PAWR: variants seen among roughly 807,000 people sequenced by gnomAD.
PAWR encodes the protein pro-apoptotic WT1 regulator.
A neutral mutation model predicts 32.0 loss-of-function variants in PAWR; 23 were observed. That is an observed-to-expected ratio of 0.72 (90% CI 0.52 to 1.02). The LOEUF is 1.02. Among genes scored for constraint, PAWR ranks in the 50% least tolerant of loss-of-function variants. The probability of loss-of-function intolerance (pLI) is 0.00; values close to 1 mark genes in which losing one functional copy is unlikely to be tolerated. For missense variants in PAWR, 457 were observed against 437.7 expected (o/e 1.04, Z -0.39); for synonymous variants, 226 against 187.1 (o/e 1.21, Z -1.70).
At chr12:79,603,270 A>T (rs1874031872) in intron 4 of PAWR, among the ~76,000 whole-genome samples, 2 of 151,964 alleles carry the variant, frequency 1.3e-5, no homozygotes, top group East Asian at 3.9e-4. Context: ...AAACAAAAAA[A>T]ATTGAGTAAT....
chr12:79,657,924 G>A (rs956835757), intron 2 of PAWR, among the ~76,000 whole-genome samples: 2 of 152,114 alleles, frequency 1.3e-5, no homozygotes, highest in African/African-American at 2.4e-5. Context: ...GGAGTATGGC[G>A]TCATTGAAGC....
chr12:79,674,738 G>A (rs1235768486), intron 2 of PAWR, among the ~76,000 whole-genome samples: 1 of 151,880 alleles, frequency 6.6e-6, no homozygotes, highest in Non-Finnish European at 1.5e-5. Flanking sequence ...GCATTAAAAA[G>A]CGGGCAAAGG....
intron 2 of PAWR, among the ~76,000 whole-genome samples, chr12:79,656,973 T>C (rs1877120780): frequency 6.6e-6 from 1 of 152,048 alleles, no homozygotes. Context: ...GTCAGAGTTC[T>C]GAAGAGGAAA....
Position 79,689,986 on chromosome 12 carries a change from C to G in PAWR, c.259G>C (p.Gly87Arg). The G allele has an allele frequency of 2.3e-6, 3 of 1,320,190 alleles. No individual in the cohort carries two copies. The highest frequency in any genetic ancestry group is 1.5e-5 in the African/African-American group (1 of 64,550). 81.8% of individuals were successfully genotyped at this position (1,320,190 alleles called of 1,614,324 possible). Reference protein sequence around the residue: ...APAAPAVPGPGGVNCAVGSAM... With the variant: ...APAAPAVPGPRGVNCAVGSAM... ...GAGCCGACCGCGCAGTTCACGCCCC[C>G]GGGACCGGGGACGGCAGGTGCGGCC... The change falls in exon 2 of 7, where the codon GGG (glycine) becomes CGG (arginine). Residue 87 changes from glycine to arginine, a missense_variant. Physicochemically the swap from Gly to Arg is moderately radical, Grantham distance 125. Transcript: ENST00000328827.
chr12:79,650,894 C>T (rs1376012679), intron 2 of PAWR, among the ~76,000 whole-genome samples: 2 of 152,140 alleles, frequency 1.3e-5, no homozygotes, highest in Admixed American at 6.5e-5. Context: ...CTTTATACTG[C>T]GTGCTTTCAT....
chr12:79,646,118 C>A (rs1441996191), intron 2 of PAWR, among the ~76,000 whole-genome samples: 1 of 151,984 alleles, frequency 6.6e-6, no homozygotes, highest in Non-Finnish European at 1.5e-5. Context: ...GATTGAGCAT[C>A]CCTAATCCAA....
chr12:79,621,813 C>T (rs7306065), intron 2 of PAWR, among the ~76,000 whole-genome samples: 34,887 of 152,004 alleles, frequency 0.23, 10,805 homozygotes, highest in African/African-American at 0.71. Context: ...CAAGAGAAGG[C>T]TGCTAAAAAA....
chr12:79,620,905 A>G (rs1423413827), intron 3 of PAWR, among the ~76,000 whole-genome samples, 171 bp downstream of exon 3: 1 of 152,226 alleles, frequency 6.6e-6, no homozygotes, highest in African/African-American at 2.4e-5. Flanking sequence ...GAGAGTGTTC[A>G]TGCTTACGGT....
At position 79,591,122 on chromosome 12, in the gene PAWR, A is replaced by T. The variant is rs1318055965; in HGVS notation, c.*1485T>A. ...CTAAACCTACATAGGAGCTACAGCCAGGGAGTTCTTTCTAAGTTCCTCAAG... is the reference window on the plus strand; with the variant it reads ...CTAAACCTACATAGGAGCTACAGCCTGGGAGTTCTTTCTAAGTTCCTCAAG... On this transcript the variant is annotated 3_prime_UTR_variant, in exon 7 of 7. Coordinates refer to ENST00000328827, the MANE Select transcript of PAWR (RefSeq NM_002583.4). 5 of 152,224 alleles carry T rather than the reference A, an allele frequency of 3.3e-5. No individual in the cohort carries two copies. The highest frequency in any genetic ancestry group is 6.5e-5 in the Admixed American group (1 of 15,286). The allele number at this position is 152,224 out of a possible 1,614,324, so 9.4% of individuals were successfully genotyped here.
intron 2 of PAWR, among the ~76,000 whole-genome samples, chr12:79,621,585 G>C (rs1295861182): frequency 1.3e-5 from 2 of 151,918 alleles, no homozygotes; most frequent in African/African-American, 4.8e-5. Flanking sequence ...TAATCTAGTA[G>C]GAAAGATAAT....
intron 2 of PAWR, among the ~76,000 whole-genome samples, chr12:79,655,471 AC>A (rs1456954519): frequency 6.6e-5 from 10 of 152,214 alleles, no homozygotes; most frequent in South Asian, 2.1e-4. Context: ...CACTAGTTTT[AC>A]CAAAATATCA....
Position 79,659,166 on chromosome 12 carries a change from G to A in PAWR, c.516+30563C>T, listed in dbSNP as rs190471164. On this transcript the variant is annotated intron_variant, in intron 2 of 6. Coordinates refer to ENST00000328827, the MANE Select transcript of PAWR (RefSeq NM_002583.4). ...CAAAAAACGAGCCAGGCGTGGTGGC[G>A]GGCGCCTGTAGTCCCAGCTACTTGG... is the stretch of plus-strand genomic sequence containing the variant. Among the ~76,000 whole-genome samples the A allele has an allele frequency of 6.5e-3, 993 of 151,788 alleles. 12 individuals are homozygous for A. The highest frequency in any genetic ancestry group is 0.02 in the African/African-American group (811 of 41,430).
At chr12:79,651,712 G>A (rs112757082) in intron 2 of PAWR, among the ~76,000 whole-genome samples, 1,648 of 148,918 alleles carry the variant, frequency 0.011, 36 homozygotes, top group African/African-American at 0.037. Context: ...GCGGGGGCTG[G>A]GGGGGTGGGG....
At chr12:79,647,478 A>T (rs1876633233) in intron 2 of PAWR, among the ~76,000 whole-genome samples, 1 of 152,202 alleles carries the variant, frequency 6.6e-6, no homozygotes, top group Non-Finnish European at 1.5e-5. Context: ...AACATCAGGT[A>T]AAATTAATTA....
chr12:79,621,279 T>C, intron 2 of PAWR, 72 bp from the exon 3 acceptor site: 2 of 1,128,386 alleles, frequency 1.8e-6, no homozygotes, highest in East Asian at 2.4e-5. Context: ...TGAAAATATA[T>C]TGATAGTATT....
At chr12:79,648,030 C>T (rs528932334) in intron 2 of PAWR, among the ~76,000 whole-genome samples, 4 of 152,162 alleles carry the variant, frequency 2.6e-5, no homozygotes, top group Non-Finnish European at 5.9e-5. Flanking sequence ...GAATCTAATG[C>T]CCCTGCTGAT....
chr12:79,690,121 G>T lies in PAWR; in HGVS notation c.124C>A (p.Pro42Thr), dbSNP rs1189516573. The change falls in exon 2 of 7, where the codon CCG becomes ACG. Residue 42 changes from proline (P) to threonine (T), a missense_variant. Pro to Thr is a conservative substitution (Grantham distance 38). Transcript: ENST00000328827. ...AKQNPPGPAP[P>T]GGGSSDAAGK... ...GCGGCGTCGCTGCTGCCCCCTCCCG[G>T]GGGGGCCGGGCCCGGGGGGTTCTGC... is the stretch of plus-strand genomic sequence containing the variant. The T allele has an allele frequency of 6.7e-7, 1 of 1,502,930 alleles. No homozygotes were observed. Among genetic ancestry groups the T allele is most frequent in the Non-Finnish European group, 8.9e-7 (1 of 1,129,120 alleles). 93.1% of individuals were successfully genotyped at this position (1,502,930 alleles called of 1,614,324 possible). A position where few individuals can be genotyped will look rare whatever the true frequency, so the allele number is the denominator to read the frequency against.
intron 2 of PAWR, among the ~76,000 whole-genome samples, chr12:79,678,928 C>T (rs1002350141): frequency 6.8e-6 from 1 of 146,992 alleles, no homozygotes; most frequent in Non-Finnish European, 1.5e-5. Flanking sequence ...GACAAGGTCT[C>T]ACTCTGTCAC....
chr12:79,641,338 G>A (rs1158671010), intron 2 of PAWR, among the ~76,000 whole-genome samples: 1 of 152,070 alleles, frequency 6.6e-6, no homozygotes, highest in Admixed American at 6.6e-5. Flanking sequence ...CTACTTTATG[G>A]ATTTGAAAGC....
Sources: allele counts gnomAD v4.1 joint callset (sites outside exome capture counted in the v4.1 genomes callset), GRCh38; gene constraint gnomAD v4.1.1; transcripts MANE v1.5; gene names NCBI Gene and HGNC (gene_info 2026-07-23, HGNC 2026-07-21).